Variants in TOP1 observed in about 807,000 individuals in gnomAD.
TOP1 encodes the protein DNA topoisomerase 1.
A neutral mutation model predicts 111.1 loss-of-function variants in TOP1; 10 were observed. The observed-to-expected ratio is 0.09, with a 90% CI of 0.06 to 0.15. The LOEUF is 0.15. Ranked by LOEUF, TOP1 falls within the 10% of genes least tolerant of loss-of-function variation. The pLI is 1.00. For synonymous variants in TOP1, 271 were observed against 302.9 expected (o/e 0.89, Z 1.10); for missense variants, 474 against 926.7 (o/e 0.51, Z 6.34).
chr20:41,048,995 T>C (rs560812289), intron 2 of TOP1, among the ~76,000 whole-genome samples: 1 of 152,038 alleles, frequency 6.6e-6, no homozygotes, highest in Non-Finnish European at 1.5e-5. Flanking sequence ...GAGAGACAGA[T>C]TAAGGTAATT....
At chr20:41,036,315 A>G (rs2033184461) in intron 2 of TOP1, among the ~76,000 whole-genome samples, 1 of 152,190 alleles carries the variant, frequency 6.6e-6, no homozygotes, top group South Asian at 2.1e-4. Context: ...GTCTAGGGGA[A>G]GAGTGGGGGT....
At chr20:41,041,633 C>A (rs1600554474) in intron 2 of TOP1, among the ~76,000 whole-genome samples, 1 of 152,028 alleles carries the variant, frequency 6.6e-6, no homozygotes, top group East Asian at 1.9e-4. Flanking sequence ...CTAAAAGTCA[C>A]CTGGGGATGA....
At position 41,100,312 on chromosome 20, in the gene TOP1, T is replaced by C; in HGVS notation, c.1163+69T>C. 7.5e-7 allele frequency: 1 copy of C among 1,326,132 alleles called. No individual in the cohort carries two copies. Among genetic ancestry groups the C allele is most frequent in the Non-Finnish European group, 1.1e-6 (1 of 949,350 alleles). The allele number at this position is 1,326,132 out of a possible 1,614,324, so 82.1% of individuals were successfully genotyped here. A position where few individuals can be genotyped will look rare whatever the true frequency, so the allele number is the denominator to read the frequency against. On this transcript the variant is annotated intron_variant, in intron 12 of 20. Transcript: ENST00000361337. This position sits in a 1 kb window ranked among gnomAD's most constrained non-coding sequence, Gnocchi z 4.4. ...GCGTCCTTTATTGTACTTGGGAATATTTCCCAGGTTACACAGGACTGTTTG... is the reference window on the plus strand; with the variant it reads ...GCGTCCTTTATTGTACTTGGGAATACTTCCCAGGTTACACAGGACTGTTTG...
rs375410303 is a variant in TOP1, at chr20:41,071,190, A to T, written c.156-4981A>T. On this transcript the variant is annotated intron_variant, in intron 3 of 20. Coordinates refer to ENST00000361337, the MANE Select transcript of TOP1 (RefSeq NM_003286.4). The surrounding 1 kb of genome is among the most constrained non-coding windows in gnomAD (Gnocchi z 4.3). ...AGACATTGTTCCCTACTGGCTCCCTACTTCCACCGTTTCTCCCACTCTTCT... is the reference window on the plus strand; with the variant it reads ...AGACATTGTTCCCTACTGGCTCCCTTCTTCCACCGTTTCTCCCACTCTTCT... Among the ~76,000 whole-genome samples, 1 of 152,058 alleles carries T rather than the reference A, an allele frequency of 6.6e-6. No individual in the cohort carries two copies. Among genetic ancestry groups the T allele is most frequent in the African/African-American group, 2.4e-5 (1 of 41,374 alleles).
chr20:41,090,264 C>T (rs1406625626), intron 8 of TOP1, among the ~76,000 whole-genome samples: 2 of 152,160 alleles, frequency 1.3e-5, no homozygotes, highest in African/African-American at 4.8e-5. Context: ...CAGGCGTGAG[C>T]CACTGCGCCC....
intron 13 of TOP1, among the ~76,000 whole-genome samples, chr20:41,105,619 T>C (rs1039201205): frequency 6.6e-6 from 1 of 152,186 alleles, no homozygotes; most frequent in Non-Finnish European, 1.5e-5. Context: ...TGCCTCAGCC[T>C]CCTGAGTAGC....
At chr20:41,053,213 C>G (rs1160459942) in intron 2 of TOP1, among the ~76,000 whole-genome samples, 1 of 152,130 alleles carries the variant, frequency 6.6e-6, no homozygotes, top group Non-Finnish European at 1.5e-5. Context: ...TGCAGCGTAG[C>G]ACATCCACCA....
Position 41,081,224 on chromosome 20 carries a change from A to C in TOP1, c.491A>C (p.Lys164Thr). The change falls in exon 7 of 21, where the codon AAA becomes ACA. Residue 164 changes from lysine to threonine, a missense_variant. Lys to Thr is a moderately conservative substitution (Grantham distance 78). This residue lies in a region of TOP1 where 185 missense variants were observed against 226.3 expected (regional missense o/e 0.82). Transcript: ENST00000361337. ...GATACCAAGAAGGAGAAGAAAAGAA[A>C]ACTAGAAGAAGAAGAGGTTAGTAAA... ...TEDTKKEKKR[K>T]LEEEEDGKLK... The C allele has an allele frequency of 6.2e-7, 1 of 1,605,914 alleles. No homozygotes were observed. The highest frequency in any genetic ancestry group is 8.5e-7 in the Non-Finnish European group (1 of 1,174,962).
In TOP1 at chr20:41,061,871, A is replaced by G. The variant is rs1412445519; in HGVS notation, c.155+381A>G. ...TTTTTCTTCTTTCTATATTTTAAAG[A>G]GTTTACATTAAAAATTCTTAACTTG... On this transcript the variant is annotated intron_variant, in intron 3 of 20. Transcript: ENST00000361337. This position sits in a 1 kb window ranked among gnomAD's most constrained non-coding sequence, Gnocchi z 4.6. Among the ~76,000 whole-genome samples the G allele has an allele frequency of 6.6e-6, 1 of 152,156 alleles. No individual in the cohort carries two copies. The highest frequency in any genetic ancestry group is 2.4e-5 in the African/African-American group (1 of 41,428).
At position 41,053,951 on chromosome 20, in the gene TOP1, T is replaced by TC. The variant is rs566443701; in HGVS notation, c.59-7441dup. 3.5e-4 allele frequency among the ~76,000 whole-genome samples: 54 copies of TC among 152,310 alleles called. 1 individual carries two copies. In the East Asian group the frequency reaches 4.8e-3, roughly 14 times the overall value. On this transcript the variant is annotated intron_variant, in intron 2 of 20. Transcript: ENST00000361337. The stretch of plus-strand genomic sequence containing the variant: ...AGTTTGTTTGATTTTGCCAAATTCT[T>TC]CCTTCATGGGGGTTATACCAACTAG...
At chr20:41,108,025 A>G (rs1276004230) in intron 13 of TOP1, among the ~76,000 whole-genome samples, 4 of 152,224 alleles carry the variant, frequency 2.6e-5, no homozygotes, top group Non-Finnish European at 5.9e-5. Flanking sequence ...TGGAGCAAAC[A>G]TAATTAAAGT....
At chr20:41,093,746 C>T (rs1385374813) in intron 9 of TOP1, among the ~76,000 whole-genome samples, 1 of 152,210 alleles carries the variant, frequency 6.6e-6, no homozygotes, top group Non-Finnish European at 1.5e-5. Context: ...GGTGAACACT[C>T]AGGCATTCTG....
Position 41,071,429 on chromosome 20 carries a change from C to CT in TOP1, c.156-4741dup, listed in dbSNP as rs2033667830. Among the ~76,000 whole-genome samples, 1 of 151,946 alleles carries CT rather than the reference C, an allele frequency of 6.6e-6. No individual in the cohort carries two copies. The highest frequency in any genetic ancestry group is 2.4e-5 in the African/African-American group (1 of 41,336). On this transcript the variant is annotated intron_variant, in intron 3 of 20. Coordinates refer to ENST00000361337, the MANE Select transcript of TOP1 (RefSeq NM_003286.4). The surrounding 1 kb of genome is among the most constrained non-coding windows in gnomAD (Gnocchi z 4.3). ...GCGTGATCTCGGCTCACTGCAGCCT[C>CT]TGTCTCCCTGGTTCAAGTGATTCTC...
At position 41,080,002 on chromosome 20, in the gene TOP1, T is replaced by A. The variant is rs2033770404; in HGVS notation, c.336-83T>A. The A allele has an allele frequency of 2.4e-6, 2 of 847,416 alleles. No individual in the cohort carries two copies. The highest frequency in any genetic ancestry group is 3.9e-6 in the Non-Finnish European group (2 of 515,418). The allele number at this position is 847,416 out of a possible 1,614,324, so 52.5% of individuals were successfully genotyped here. On this transcript the variant is annotated intron_variant, in intron 5 of 20. Transcript: ENST00000361337. The surrounding 1 kb of genome is among the most constrained non-coding windows in gnomAD (Gnocchi z 5.0). ...TATCCTTATTTCTGTTAGCTTCTTT[T>A]CAACGAAATGACATATTCCTTCTTT...
Position 41,121,574 on chromosome 20 carries a change from T to G in TOP1, c.1951-122T>G. On this transcript the variant is annotated intron_variant, in intron 18 of 20. Transcript: ENST00000361337. The surrounding 1 kb of genome is among the most constrained non-coding windows in gnomAD (Gnocchi z 4.2). ...TGCCTTCATGAAGCCACCCTTGTTT[T>G]TTTTTATCTGACAAACCACTGACAG... 2 of 765,808 alleles carry G rather than the reference T, an allele frequency of 2.6e-6. No homozygotes were observed. Among genetic ancestry groups the G allele is most frequent in the South Asian group, 1.5e-5 (1 of 65,070 alleles). 47.4% of individuals were successfully genotyped at this position (765,808 alleles called of 1,614,324 possible). A position where few individuals can be genotyped will look rare whatever the true frequency, so the allele number is the denominator to read the frequency against.
rs2034050930 is a variant in TOP1, at chr20:41,100,733, T to C, written c.1164-476T>C. 6.2e-6 allele frequency: 1 copy of C among 161,032 alleles called. No individual in the cohort carries two copies. The highest frequency in any genetic ancestry group is 2.4e-5 in the African/African-American group (1 of 41,654). 10.0% of individuals were successfully genotyped at this position (161,032 alleles called of 1,614,324 possible). A position where few individuals can be genotyped will look rare whatever the true frequency, so the allele number is the denominator to read the frequency against. On this transcript the variant is annotated intron_variant, in intron 12 of 20. Coordinates refer to ENST00000361337, the MANE Select transcript of TOP1 (RefSeq NM_003286.4). The surrounding 1 kb of genome is among the most constrained non-coding windows in gnomAD (Gnocchi z 4.4). ...TTCCACCTTTTCATTTAAAGCACTC[T>C]GTGCAGCTTCTGTATGGCATATCCA... is the stretch of plus-strand genomic sequence containing the variant.
Position 41,053,612 on chromosome 20 carries a change from A to G in TOP1, c.59-7782A>G, listed in dbSNP as rs548082996. Reference sequence around the variant, plus strand: ...CACATGCTTCATTTGGAAAATGTCTATTACCTTTATAAAGAGTTTGTATAG... The same window carrying G: ...CACATGCTTCATTTGGAAAATGTCTGTTACCTTTATAAAGAGTTTGTATAG... On this transcript the variant is annotated intron_variant, in intron 2 of 20. Transcript: ENST00000361337. Among the ~76,000 whole-genome samples, 17 of 152,340 alleles carry G rather than the reference A, an allele frequency of 1.1e-4. 1 individual carries two copies. The South Asian group carries it at 2.3e-3, about 20-fold the overall frequency.
At chr20:41,036,426 C>A (rs1033134296) in intron 2 of TOP1, among the ~76,000 whole-genome samples, 22 of 152,164 alleles carry the variant, frequency 1.4e-4, no homozygotes, top group African/African-American at 4.1e-4. Flanking sequence ...ACCACTGAAC[C>A]TTGTTTTCTT....
intron 2 of TOP1, among the ~76,000 whole-genome samples, chr20:41,044,349 TAA>T (rs1297870876): frequency 6.6e-6 from 1 of 152,228 alleles, no homozygotes; most frequent in East Asian, 1.9e-4. Flanking sequence ...CAGAGATAAG[TAA>T]AAAAATTCCA....
Sources: allele counts gnomAD v4.1 joint callset (sites outside exome capture counted in the v4.1 genomes callset), GRCh38; gene constraint gnomAD v4.1.1; regional missense constraint gnomAD v4.1.1; non-coding constraint Gnocchi (gnomAD v3.1); transcripts MANE v1.5; gene names NCBI Gene and HGNC (gene_info 2026-07-23, HGNC 2026-07-21).